The following TMCC2 variants were observed in gnomAD, a reference collection of about 807,000 sequenced individuals.
TMCC2 encodes the protein transmembrane and coiled-coil domains protein 2.
TMCC2 carries 16 observed loss-of-function variants against 49.4 expected under a neutral mutation model. The ratio of observed to expected loss-of-function variants is 0.32; its 90% CI spans 0.22 to 0.49. TMCC2 has a LOEUF of 0.49. Ranked by LOEUF, TMCC2 falls within the 20% of genes least tolerant of loss-of-function variation. TMCC2 has a pLI of 0.99. For synonymous variants in TMCC2, 397 were observed against 434.1 expected, an observed-to-expected ratio of 0.91 and a Z score of 1.06; for missense variants, 762 against 989.8, an observed-to-expected ratio of 0.77 and a Z score of 3.09.
Position 205,241,795 on chromosome 1 carries a change from C to T in TMCC2, c.498C>T (p.Ser166=). The T allele has an allele frequency of 6.2e-7, 1 of 1,608,704 alleles. No individual in the cohort carries two copies. Among genetic ancestry groups the T allele is most frequent in the Non-Finnish European group, 8.5e-7 (1 of 1,178,472 alleles). Residue 166 remains serine (S), a synonymous_variant, in exon 2 of 5, where the codon AGC becomes AGT. Coordinates refer to ENST00000358024, the MANE Select transcript of TMCC2 (RefSeq NM_014858.4). This position sits in a 1 kb window ranked among gnomAD's most constrained non-coding sequence, Gnocchi z 7.3. ...GGCCCTCCATCAAGCGGGGCGCCAG[C>T]CTGCACAGCAGCAGTGGGGGCGGCA... ...RSRPSIKRGA[S]LHSSSGGGSS...
At position 205,269,233 on chromosome 1, in the gene TMCC2, C is replaced by T. The variant is rs776729303; in HGVS notation, c.1031C>T (p.Ala344Val). 2.6e-5 allele frequency: 42 copies of T among 1,613,866 alleles called. No individual in the cohort carries two copies. The highest frequency in any genetic ancestry group is 3.6e-5 in the Non-Finnish European group (42 of 1,180,048). Residue 344 changes from alanine (A) to valine (V), a missense_variant, in exon 3 of 5, where the codon GCC (alanine) becomes GTC (valine). This residue lies in a region of TMCC2 where 440 missense variants were observed against 636.7 expected (regional missense o/e 0.69). Transcript: ENST00000358024. ...QVFEKKNQKSAQTIAQLHKKL... is the reference protein window; with the variant it reads ...QVFEKKNQKSVQTIAQLHKKL... ...TTCGAGAAGAAGAACCAGAAGTCAGCCCAGACCATCGCCCAGCTGCACAAG... is the reference window on the plus strand; with the variant it reads ...TTCGAGAAGAAGAACCAGAAGTCAGTCCAGACCATCGCCCAGCTGCACAAG...
intron 1 of TMCC2, among the ~76,000 whole-genome samples, chr1:205,237,518 G>A (rs1240157969): frequency 6.6e-6 from 1 of 152,246 alleles, no homozygotes; most frequent in African/African-American, 2.4e-5. Flanking sequence ...ATAGATTAGT[G>A]TGACTTTAAG....
chr1:205,234,050 G>GATATGTTAAGGCTCAA (rs1659922364), intron 1 of TMCC2: 1 of 151,992 alleles, frequency 6.6e-6, no homozygotes, highest in Non-Finnish European at 1.5e-5. Flanking sequence ...TTGAGGCCCA[G>GATATGTTAAGGCTCAA]TAGATATGTT....
At chr1:205,240,381 T>C (rs923315990) in intron 1 of TMCC2, among the ~76,000 whole-genome samples, 14 of 152,280 alleles carry the variant, frequency 9.2e-5, no homozygotes, top group African/African-American at 3.4e-4. Context: ...GGCACCGGGT[T>C]GCAGTGCCTC....
intron 1 of TMCC2, chr1:205,229,547 G>GGGGGGGGTGGTGGCGGGGGC: frequency 9.5e-6 from 1 of 105,014 alleles, no homozygotes; most frequent in Non-Finnish European, 1.4e-5. Context: ...TGAAGGGGCG[G>GGGGGGGGTGGTGGCGGGGGC]GGGGGGGGGG....
chr1:205,253,531 A>G (rs7532321), intron 2 of TMCC2, among the ~76,000 whole-genome samples: 26,679 of 152,170 alleles, frequency 0.18, 3,118 homozygotes, highest in East Asian at 0.44. Context: ...GATAGTGACC[A>G]CTCTGTGTCA....
Position 205,229,019 on chromosome 1 carries a change from C to T in TMCC2, c.207+248C>T, listed in dbSNP as rs1237190610. 6.0e-6 allele frequency: 8 copies of T among 1,336,934 alleles called. No individual in the cohort carries two copies. In the East Asian group the frequency reaches 1.9e-4, roughly 33 times the overall value. The allele number at this position is 1,336,934 out of a possible 1,614,324, so 82.8% of individuals were successfully genotyped here. A position where few individuals can be genotyped will look rare whatever the true frequency, so the allele number is the denominator to read the frequency against. On this transcript the variant is annotated intron_variant, in intron 1 of 4. Coordinates refer to ENST00000358024, the MANE Select transcript of TMCC2 (RefSeq NM_014858.4). ...CAAGCGTTTTAGTGACTCACCCATC[C>T]GAGATTGTTTGAATAATGTGTGAAG...
At chr1:205,258,327 G>A (rs1242103465) in intron 2 of TMCC2, among the ~76,000 whole-genome samples, 2 of 152,192 alleles carry the variant, frequency 1.3e-5, no homozygotes, top group East Asian at 3.9e-4. Context: ...CCCCCATGTG[G>A]CAGCTGGGGC....
chr1:205,254,127 G>T (rs1307839971), intron 2 of TMCC2, among the ~76,000 whole-genome samples: 2 of 152,176 alleles, frequency 1.3e-5, no homozygotes, highest in Non-Finnish European at 2.9e-5. Context: ...ACAGAACATG[G>T]AAGCCGCACA....
chr1:205,242,451 G>A (rs1346254022), intron 2 of TMCC2, among the ~76,000 whole-genome samples: 2 of 152,126 alleles, frequency 1.3e-5, no homozygotes, highest in Non-Finnish European at 2.9e-5. Flanking sequence ...TAGTACAGTT[G>A]TAGGACTAAA....
At position 205,264,335 on chromosome 1, in the gene TMCC2, G is replaced by GT. The variant is rs1249524762; in HGVS notation, c.748-4610dup. ...TTCTTGTTTTTTGTTTTTTGTTTTT[G>GT]TTTTTGAGACGGAGTCTCTGTCACC... is the stretch of plus-strand genomic sequence containing the variant. On this transcript the variant is annotated intron_variant, in intron 2 of 4. Transcript: ENST00000358024. The surrounding 1 kb of genome is among the most constrained non-coding windows in gnomAD (Gnocchi z 4.2). 6.6e-6 allele frequency among the ~76,000 whole-genome samples: 1 copy of GT among 152,036 alleles called. No individual in the cohort carries two copies. The highest frequency in any genetic ancestry group is 1.5e-5 in the Non-Finnish European group (1 of 67,980).
chr1:205,246,417 G>T (rs1288087775), intron 2 of TMCC2: 1 of 1,182,304 alleles, frequency 8.5e-7, no homozygotes, highest in East Asian at 3.4e-5. Flanking sequence ...TACGAGTCTG[G>T]AGTTCTGGGG....
chr1:205,271,255 G>T lies in TMCC2; in HGVS notation c.1818G>T (p.Gln606His). ...CCTATGAGAGGGCACGGGACATCCA[G>T]GTATGGCCAGGGCAACCTTGGGAGG... ...YQSYERARDI[Q>H]EAVESCLTRV... The change falls in exon 4 of 5, where the codon CAG (glutamine) becomes CAT (histidine). Residue 606 changes from glutamine to histidine, a missense_variant and splice_region_variant. Gln to His is a conservative substitution (Grantham distance 24, BLOSUM62 0). Around this residue, in one of 2 missense-constraint regions of TMCC2, gnomAD observed 440 missense variants for 636.7 expected, o/e 0.69. Transcript: ENST00000358024. 6.2e-7 allele frequency: 1 copy of T among 1,614,122 alleles called. No individual in the cohort carries two copies. The highest frequency in any genetic ancestry group is 8.5e-7 in the Non-Finnish European group (1 of 1,180,046).
intron 2 of TMCC2, among the ~76,000 whole-genome samples, chr1:205,250,622 G>T (rs1660631774): frequency 6.6e-6 from 1 of 152,178 alleles, no homozygotes; most frequent in Non-Finnish European, 1.5e-5. Flanking sequence ...CCAGGATAGA[G>T]GGGGCAAAAT....
intron 2 of TMCC2, among the ~76,000 whole-genome samples, chr1:205,253,017 C>G (rs1660729148): frequency 6.6e-6 from 1 of 151,618 alleles, no homozygotes; most frequent in Non-Finnish European, 1.5e-5. Flanking sequence ...ACCTGTAGTC[C>G]CAGCTACTTG....
At chr1:205,230,972 C>T (rs796454705) in intron 1 of TMCC2, among the ~76,000 whole-genome samples, 1 of 86,762 alleles carries the variant, frequency 1.2e-5, no homozygotes, top group African/African-American at 3.6e-5. Flanking sequence ...CCTTACCCCG[C>T]GCCCCCATCC....
intron 2 of TMCC2, among the ~76,000 whole-genome samples, chr1:205,244,852 G>A (rs1660398641): frequency 6.6e-6 from 1 of 152,084 alleles, no homozygotes; most frequent in South Asian, 2.1e-4. Flanking sequence ...GGTACTGAGG[G>A]AATGAGGGAG....
At chr1:205,250,200 C>T (rs1399986721) in intron 2 of TMCC2, among the ~76,000 whole-genome samples, 2 of 152,134 alleles carry the variant, frequency 1.3e-5, no homozygotes, top group Non-Finnish European at 2.9e-5. Context: ...CCAGAATTAG[C>T]CTTTATGCAT....
intron 2 of TMCC2, among the ~76,000 whole-genome samples, 169 bp downstream of exon 2, chr1:205,242,213 A>G (rs1660301302): frequency 6.6e-6 from 1 of 152,212 alleles, no homozygotes; most frequent in Non-Finnish European, 1.5e-5. Flanking sequence ...ACTAGGCCAA[A>G]AACAAGAGAT....
Sources: gnomAD v4.1 joint callset for allele counts (sites outside exome capture counted in the v4.1 genomes callset) on GRCh38, gnomAD v4.1.1 for gene constraint, gnomAD v4.1.1 regional missense constraint, Gnocchi (gnomAD v3.1) non-coding constraint, MANE v1.5 for transcripts, NCBI Gene and HGNC (gene_info 2026-07-23, HGNC 2026-07-21) for gene names.